The following DNAH6 variants were observed in gnomAD, a reference collection of about 807,000 sequenced individuals.
DNAH6 encodes the protein axonemal beta dynein heavy chain 6.
DNAH6 carries 340 observed loss-of-function variants against 491.4 expected under a neutral mutation model. The observed-to-expected ratio is 0.69, with a 90% CI of 0.63 to 0.76. The LOEUF (loss-of-function observed/expected upper bound fraction) is 0.76, where lower values mean the gene tolerates loss of function less well. DNAH6 is among the 30% of genes least tolerant of loss of function. The pLI is 0.00. For missense variants in DNAH6, 4,443 were observed against 4,972.2 expected, an observed-to-expected ratio of 0.89 and a Z score of 3.20; for synonymous variants, 1,603 against 1,686.1, an observed-to-expected ratio of 0.95 and a Z score of 1.21.
Position 84,681,396 on chromosome 2 carries a change from G to A in DNAH6, c.6784G>A (p.Val2262Ile). Residue 2262 changes from valine (V) to isoleucine (I), a missense_variant, in exon 42 of 77, where the codon GTA (valine) becomes ATA (isoleucine). Coordinates refer to ENST00000389394, the MANE Select transcript of DNAH6 (RefSeq NM_001370.2). ...NGFLSDFPPA[V>I]KQTASSIVEA... Reference sequence around the variant, plus strand: ...TTTCCTGAGTGACTTTCCACCAGCTGTAAAGCAAACTGCATCAAGCATTGT... The same window carrying A: ...TTTCCTGAGTGACTTTCCACCAGCTATAAAGCAAACTGCATCAAGCATTGT... The A allele has an allele frequency of 1.3e-6, 2 of 1,551,170 alleles. No homozygotes were observed. The highest frequency in any genetic ancestry group is 1.7e-6 in the Non-Finnish European group (2 of 1,146,712).
At chr2:84,646,138 T>C (rs1027941862) in intron 33 of DNAH6, among the ~76,000 whole-genome samples, 5 of 152,242 alleles carry the variant, frequency 3.3e-5, no homozygotes, top group African/African-American at 1.2e-4. Context: ...CAAACTTTTT[T>C]ATTATTGTAT....
At chr2:84,793,241 C>A (rs557250559) in intron 68 of DNAH6, among the ~76,000 whole-genome samples, 1 of 152,318 alleles carries the variant, frequency 6.6e-6, no homozygotes, top group South Asian at 2.1e-4. Flanking sequence ...TGCACACACA[C>A]AAGCGGTCCC....
chr2:84,652,998 C>A (rs1001567964), intron 33 of DNAH6, among the ~76,000 whole-genome samples: 1 of 151,674 alleles, frequency 6.6e-6, no homozygotes, highest in Non-Finnish European at 1.5e-5. Flanking sequence ...AAAATAAGTT[C>A]ATCACCTTCT....
intron 72 of DNAH6, among the ~76,000 whole-genome samples, chr2:84,810,794 T>G (rs976941176): frequency 2.0e-5 from 3 of 152,180 alleles, no homozygotes; most frequent in African/African-American, 7.2e-5. Context: ...CTGTGTAGGC[T>G]TCGAGCCATA....
At chr2:84,717,259 C>T (rs1304863313) in intron 58 of DNAH6, among the ~76,000 whole-genome samples, 1 of 152,160 alleles carries the variant, frequency 6.6e-6, no homozygotes, top group Non-Finnish European at 1.5e-5. Context: ...CCTGAGCTTA[C>T]CTTTATCTTA....
At chr2:84,516,742 G>A (rs1236822763) in intron 1 of DNAH6, among the ~76,000 whole-genome samples, 159 bp downstream of exon 1, 1 of 152,190 alleles carries the variant, frequency 6.6e-6, no homozygotes, top group Non-Finnish European at 1.5e-5. Context: ...TAGAGGGGTG[G>A]AAAGTGAGCA....
chr2:84,471,639 T>C, the DNAH6 span, among the ~76,000 whole-genome samples: 3 of 152,308 alleles, frequency 2.0e-5, no homozygotes, highest in African/African-American at 4.8e-5. Context: ...ACCCCATCCA[T>C]GGTTGGATCC....
At position 84,803,745 on chromosome 2, in the gene DNAH6, TAGAA is replaced by T. The variant is rs1679157860; in HGVS notation, c.11482-1917_11482-1914del. ...AATAATATTAATTCTTGCGAAGACA[TAGAA>T]AGGCTTTATGATACACTATTGTTGG... On this transcript the variant is annotated intron_variant, in intron 70 of 76. Transcript: ENST00000389394. Among the ~76,000 whole-genome samples the T allele has an allele frequency of 2.0e-5, 3 of 152,258 alleles. No individual in the cohort carries two copies. In the South Asian group the frequency reaches 6.2e-4, roughly 32 times the overall value.
chr2:84,796,651 C>T (rs924107929), intron 69 of DNAH6, among the ~76,000 whole-genome samples: 1 of 152,110 alleles, frequency 6.6e-6, no homozygotes, highest in Non-Finnish European at 1.5e-5. Context: ...AAGCTTATTG[C>T]ACTGTGTCTA....
intron 59 of DNAH6, among the ~76,000 whole-genome samples, chr2:84,718,805 T>C (rs1296283657): frequency 6.6e-6 from 1 of 152,250 alleles, no homozygotes; most frequent in African/African-American, 2.4e-5. Context: ...GTCACAGTTA[T>C]CCAATTACAT....
chr2:84,818,524 A>G (rs907080672), intron 76 of DNAH6, among the ~76,000 whole-genome samples: 2 of 150,264 alleles, frequency 1.3e-5, no homozygotes, highest in African/African-American at 4.9e-5. Flanking sequence ...GGGAAAAAAA[A>G]CCTCAAACCT....
chr2:84,534,701 T>C (rs768479412), intron 4 of DNAH6, among the ~76,000 whole-genome samples: 3 of 152,104 alleles, frequency 2.0e-5, no homozygotes, highest in Non-Finnish European at 2.9e-5. Context: ...TTTCCTCTTT[T>C]CCTCTTGTTT....
chr2:84,715,618 AGTT>A lies in DNAH6; in HGVS notation c.9606_9608del (p.Leu3203del). On this transcript the variant is annotated inframe_deletion, in exon 58 of 77. Transcript: ENST00000389394. ...GTAACAAAATCAGGCCTGGAGGATC[AGTT>A]GTTAAGGTAAAAAAACAGGGAGTTG... The A allele has an allele frequency of 6.4e-7, 1 of 1,551,500 alleles. No individual in the cohort carries two copies. The highest frequency in any genetic ancestry group is 8.7e-7 in the Non-Finnish European group (1 of 1,146,858).
At chr2:84,772,743 AAAAT>A (rs1323990057) in intron 64 of DNAH6, among the ~76,000 whole-genome samples, 1 of 152,066 alleles carries the variant, frequency 6.6e-6, no homozygotes, top group African/African-American at 2.4e-5. Flanking sequence ...ACAATTACGA[AAAAT>A]AAATAAGGTA....
Position 84,593,173 on chromosome 2 carries a change from C to T in DNAH6, c.2611-799C>T, listed in dbSNP as rs543599115. On this transcript the variant is annotated intron_variant, in intron 16 of 76. Transcript: ENST00000389394. ...ACCTGAAATGAAACTGTGTCTTCCTCCTTCCATCTTCCATGTCTATGACTT... is the reference window on the plus strand; with the variant it reads ...ACCTGAAATGAAACTGTGTCTTCCTTCTTCCATCTTCCATGTCTATGACTT... Among the ~76,000 whole-genome samples the T allele has an allele frequency of 4.6e-5, 7 of 152,286 alleles. No homozygotes were observed. The South Asian group carries it at 6.2e-4, about 14-fold the overall frequency.
intron 18 of DNAH6, among the ~76,000 whole-genome samples, chr2:84,598,126 C>CTTTTCT (rs1684801513): frequency 1.2e-5 from 1 of 80,542 alleles, no homozygotes; most frequent in African/African-American, 3.8e-5. Flanking sequence ...TTCTATCTTT[C>CTTTTCT]TTTTCTTTCT....
Position 84,769,719 on chromosome 2 carries a change from C to T in DNAH6, c.10703+6774C>T, listed in dbSNP as rs535212382. 2.0e-5 allele frequency among the ~76,000 whole-genome samples: 3 copies of T among 152,158 alleles called. No homozygotes were observed. The South Asian group carries it at 6.2e-4, about 32-fold the overall frequency. ...GAGGTACTACCCTGGAAGATTTTGTCAAAATTATATAAAGGCAAATATATG... is the reference window on the plus strand; with the variant it reads ...GAGGTACTACCCTGGAAGATTTTGTTAAAATTATATAAAGGCAAATATATG... On this transcript the variant is annotated intron_variant, in intron 64 of 76. Coordinates refer to ENST00000389394, the MANE Select transcript of DNAH6 (RefSeq NM_001370.2).
the DNAH6 span, among the ~76,000 whole-genome samples, chr2:84,466,579 G>A: frequency 1.3e-5 from 2 of 152,200 alleles, no homozygotes; most frequent in Non-Finnish European, 2.9e-5. Flanking sequence ...AAGTTAAAAA[G>A]ATTAGGCTTC....
chr2:84,483,648 C>T, the DNAH6 span, among the ~76,000 whole-genome samples: 1 of 152,014 alleles, frequency 6.6e-6, no homozygotes, highest in South Asian at 2.1e-4. Flanking sequence ...TGAGAAAGCA[C>T]AGCAAAGTTT....
Sources: gnomAD v4.1 joint callset for allele counts (sites outside exome capture counted in the v4.1 genomes callset) on GRCh38, gnomAD v4.1.1 for gene constraint, MANE v1.5 for transcripts, NCBI Gene and HGNC (gene_info 2026-07-23, HGNC 2026-07-21) for gene names.